The following SFTPD variants were observed in gnomAD, a reference collection of about 807,000 sequenced individuals.
SFTPD encodes the protein surfactant protein D.
Under a neutral mutation model 34.6 loss-of-function variants are expected in SFTPD, and 18 were observed. That is an observed-to-expected ratio of 0.52 (90% CI 0.36 to 0.77). The LOEUF (loss-of-function observed/expected upper bound fraction) is 0.77. Among genes scored for constraint, SFTPD ranks in the 30% least tolerant of loss-of-function variants. The probability of loss-of-function intolerance (pLI) is 0.00; values close to 1 mark genes in which losing one functional copy is unlikely to be tolerated. For missense variants in SFTPD, 433 were observed against 468.9 expected, an observed-to-expected ratio of 0.92 and a Z score of 0.71; for synonymous variants, 155 against 180.9, an observed-to-expected ratio of 0.86 and a Z score of 1.15.
intron 1 of SFTPD, among the ~76,000 whole-genome samples, chr10:79,980,291 C>T (rs1029010048): frequency 1.3e-5 from 2 of 152,042 alleles, no homozygotes; most frequent in South Asian, 2.1e-4. Flanking sequence ...CCAGCTCAGT[C>T]TCGGTAAAAT....
At chr10:79,961,053 C>A (rs1842769546) in intron 1 of SFTPD, among the ~76,000 whole-genome samples, 2 of 152,158 alleles carry the variant, frequency 1.3e-5, no homozygotes, top group South Asian at 4.1e-4. Context: ...GGAAAGGATT[C>A]CCTATTTAAT....
chr10:79,952,936 G>A (rs1198408942), upstream of SFTPD, among the ~76,000 whole-genome samples: 1 of 152,198 alleles, frequency 6.6e-6, no homozygotes, highest in Non-Finnish European at 1.5e-5. Flanking sequence ...GTCTGCCACA[G>A]GAGTGAGGGG....
chr10:79,943,268 A>T (rs959835713), intron 2 of SFTPD, among the ~76,000 whole-genome samples: 2 of 152,140 alleles, frequency 1.3e-5, no homozygotes, highest in African/African-American at 4.8e-5. Flanking sequence ...TAACTTGTTC[A>T]TTCAGTTATT....
At chr10:79,940,459 C>G (rs1842599571) in intron 7 of SFTPD, among the ~76,000 whole-genome samples, 2 of 152,172 alleles carry the variant, frequency 1.3e-5, no homozygotes, top group South Asian at 4.1e-4. Flanking sequence ...CCCCTTGGAT[C>G]TACTTTGAGC....
At chr10:79,948,037 TTGAC>T (rs1004861332) in intron 1 of SFTPD, among the ~76,000 whole-genome samples, 1 of 152,236 alleles carries the variant, frequency 6.6e-6, no homozygotes, top group Non-Finnish European at 1.5e-5. Flanking sequence ...GCCTTCTTCT[TTGAC>T]TGCTGGTGAT....
chr10:79,947,844 A>T (rs1667724089), intron 1 of SFTPD, among the ~76,000 whole-genome samples: 1 of 152,210 alleles, frequency 6.6e-6, no homozygotes, highest in African/African-American at 2.4e-5. Flanking sequence ...TAAGAGCAGG[A>T]CCTGGGACAT....
At position 79,942,495 on chromosome 10, in the gene SFTPD, C is replaced by T; in HGVS notation, c.326G>A (p.Gly109Glu). ...KGDTGPSGPP[G>E]PPGVPGPAGR... Reference sequence around the variant, plus strand: ...AGCTGGACCAGGCACACCGGGAGGTCCTGGAGGTCCTGAGCAAAAGCACCA... The same window carrying T: ...AGCTGGACCAGGCACACCGGGAGGTTCTGGAGGTCCTGAGCAAAAGCACCA... The change falls in exon 4 of 8, where the codon GGA becomes GAA. Residue 109 changes from glycine to glutamate, a missense_variant. Coordinates refer to ENST00000372292, the MANE Select transcript of SFTPD (RefSeq NM_003019.5). 1.2e-6 allele frequency: 2 copies of T among 1,610,400 alleles called. No homozygotes were observed. The highest frequency in any genetic ancestry group is 1.1e-5 in the South Asian group (1 of 91,024).
At chr10:79,964,363 C>T (rs578076638) in intron 1 of SFTPD, among the ~76,000 whole-genome samples, 2 of 152,274 alleles carry the variant, frequency 1.3e-5, no homozygotes, top group East Asian at 3.9e-4. Flanking sequence ...GCATCAGATC[C>T]CATTGCTCAG....
chr10:79,972,779 A>G (rs1842842906), intron 1 of SFTPD: 1 of 152,216 alleles, frequency 6.6e-6, no homozygotes, highest in Non-Finnish European at 1.5e-5. Flanking sequence ...AGGTAATGAG[A>G]AAAGGTGAAA....
chr10:79,948,356 A>G (rs1487411808), intron 1 of SFTPD, among the ~76,000 whole-genome samples: 1 of 152,242 alleles, frequency 6.6e-6, no homozygotes, highest in Non-Finnish European at 1.5e-5. Context: ...AGAAGGCACC[A>G]GCAGCCACTG....
intron 1 of SFTPD, among the ~76,000 whole-genome samples, chr10:79,959,332 T>C (rs1006383379): frequency 6.6e-6 from 1 of 151,934 alleles, no homozygotes; most frequent in African/African-American, 2.4e-5. Context: ...CAAAAAACCC[T>C]TCAAAAAATT....
intron 1 of SFTPD, among the ~76,000 whole-genome samples, chr10:79,975,538 T>C (rs550427818): frequency 6.6e-6 from 1 of 152,246 alleles, no homozygotes; most frequent in African/African-American, 2.4e-5. Context: ...CCGGCGACCC[T>C]TCGACCTGGA....
chr10:79,942,619 A>G (rs1842625520), intron 3 of SFTPD, 115 bp from the exon 4 acceptor site: 1 of 909,394 alleles, frequency 1.1e-6, no homozygotes, highest in African/African-American at 1.6e-5. Flanking sequence ...TCCTCCCAAC[A>G]GCAGGTCCCA....
intron 1 of SFTPD, among the ~76,000 whole-genome samples, chr10:79,979,596 G>A (rs371936612): frequency 6.6e-6 from 1 of 152,360 alleles, no homozygotes; most frequent in South Asian, 2.1e-4. Context: ...CACAGAGGAA[G>A]CATTTAGACC....
chr10:79,940,930 G>A (rs1842604866), intron 6 of SFTPD, 142 bp from the exon 7 acceptor site: 3 of 605,546 alleles, frequency 5.0e-6, no homozygotes. Flanking sequence ...TACTGACACA[G>A]CTGGCCTCTG....
intron 1 of SFTPD, among the ~76,000 whole-genome samples, chr10:79,978,651 CAAAAA>C (rs58759979): frequency 7.1e-4 from 37 of 51,972 alleles, no homozygotes; most frequent in African/African-American, 1.7e-3. Context: ...CACCCTGTCT[CAAAAA>C]AAAAAAAAAA....
chr10:79,944,279 A>G (rs1010204761), intron 2 of SFTPD, among the ~76,000 whole-genome samples: 9 of 152,224 alleles, frequency 5.9e-5, no homozygotes, highest in African/African-American at 1.9e-4. Flanking sequence ...CTTCAACTCT[A>G]TCTCATAGAA....
intron 1 of SFTPD, chr10:79,971,538 G>A (rs898237522): frequency 2.6e-5 from 4 of 151,946 alleles, no homozygotes; most frequent in South Asian, 2.1e-4. Flanking sequence ...CTTGTAGCTC[G>A]TAATTGGTCT....
chr10:79,955,940 C>T (rs17107449), intron 1 of SFTPD, among the ~76,000 whole-genome samples: 10,557 of 152,110 alleles, frequency 0.069, 570 homozygotes, highest in South Asian at 0.2. Context: ...TTTAATCTTA[C>T]TATTGATAAC....
Sources: gnomAD v4.1 joint callset for allele counts (sites outside exome capture counted in the v4.1 genomes callset) on GRCh38, gnomAD v4.1.1 for gene constraint, MANE v1.5 for transcripts, NCBI Gene and HGNC (gene_info 2026-07-23, HGNC 2026-07-21) for gene names.